The following NCOA1 variants were observed in gnomAD, a reference collection of about 807,000 sequenced individuals.
NCOA1 encodes nuclear receptor coactivator 1.
NCOA1 carries 35 observed loss-of-function variants against 150.9 expected under a neutral mutation model. The observed-to-expected ratio is 0.23, with a 90% CI of 0.18 to 0.31. The LOEUF is 0.31. NCOA1 is among the 10% of genes least tolerant of loss of function. The pLI is 1.00. For synonymous variants in NCOA1, 590 were observed against 630.0 expected, an observed-to-expected ratio of 0.94 and a Z score of 0.95; for missense variants, 1,491 against 1,749.3, an observed-to-expected ratio of 0.85 and a Z score of 2.63.
At chr2:24,541,948 C>G (rs1665416820) in intron 1 of NCOA1, among the ~76,000 whole-genome samples, 1 of 152,090 alleles carries the variant, frequency 6.6e-6, no homozygotes, top group South Asian at 2.1e-4. Flanking sequence ...CAAGAAGGCA[C>G]TCTGAGAACA....
At chr2:24,762,514 C>T (rs1664839458) in intron 21 of NCOA1, among the ~76,000 whole-genome samples, 173 bp from the exon 22 acceptor site, 2 of 152,206 alleles carry the variant, frequency 1.3e-5, no homozygotes, top group African/African-American at 4.8e-5. Flanking sequence ...ACACTCACTA[C>T]CCCACAAGGG....
chr2:24,696,876 TTA>T (rs149575496), intron 10 of NCOA1, among the ~76,000 whole-genome samples: 4 of 151,270 alleles, frequency 2.6e-5, no homozygotes, highest in East Asian at 1.9e-4. Context: ...AATTCTTAAT[TTA>T]TATATATATA....
At chr2:24,734,366 T>C (rs767750179) in intron 17 of NCOA1, among the ~76,000 whole-genome samples, 6 of 152,136 alleles carry the variant, frequency 3.9e-5, no homozygotes, top group Non-Finnish European at 8.8e-5. Context: ...TTCAGTGGAA[T>C]TCCAATAAAA....
chr2:24,662,805 A>G (rs1200704861), intron 5 of NCOA1, among the ~76,000 whole-genome samples: 2 of 151,666 alleles, frequency 1.3e-5, no homozygotes, highest in Non-Finnish European at 1.5e-5. Context: ...TTTTCTGTTA[A>G]GGGACAGGAT....
chr2:24,695,349 T>C (rs1242147746), intron 10 of NCOA1, among the ~76,000 whole-genome samples: 1 of 152,166 alleles, frequency 6.6e-6, no homozygotes, highest in Non-Finnish European at 1.5e-5. Flanking sequence ...AATGAGGGGA[T>C]GGTGATTTGA....
chr2:24,715,939 G>A (rs1248595029), intron 14 of NCOA1, among the ~76,000 whole-genome samples: 4 of 152,044 alleles, frequency 2.6e-5, no homozygotes, highest in South Asian at 2.1e-4. Context: ...TCAGGAGATC[G>A]AGACCATCCT....
chr2:24,605,392 T>G (rs1012688057), intron 3 of NCOA1, among the ~76,000 whole-genome samples: 1 of 152,184 alleles, frequency 6.6e-6, no homozygotes, highest in African/African-American at 2.4e-5. Flanking sequence ...ACCTCTTAAG[T>G]TTTTAAAAAT....
intron 3 of NCOA1, among the ~76,000 whole-genome samples, chr2:24,629,485 T>G (rs535678416): frequency 4.6e-4 from 70 of 150,930 alleles, no homozygotes; most frequent in African/African-American, 1.5e-3. Flanking sequence ...TTGGGTTTTT[T>G]TTTTTTTTTT....
chr2:24,502,242 T>C (rs1371933213), intron 1 of NCOA1, among the ~76,000 whole-genome samples: 1 of 152,224 alleles, frequency 6.6e-6, no homozygotes, highest in Non-Finnish European at 1.5e-5. Flanking sequence ...ACAGTTGTGC[T>C]TTTGACCTAT....
In NCOA1 at chr2:24,729,585, T is replaced by A. The variant is rs374750104; in HGVS notation, c.2971T>A (p.Tyr991Asn). 6.2e-7 allele frequency: 1 copy of A among 1,614,178 alleles called. No individual in the cohort carries two copies. ...PLIMEERPNL[Y>N]SQPYSSPSPT... The stretch of plus-strand genomic sequence containing the variant: ...GATCATGGAAGAAAGACCCAACCTT[T>A]ATTCCCAGCCTTACTCTTCTCCTTC... Residue 991 changes from tyrosine (Y) to asparagine (N), a missense_variant, in exon 17 of 23, where the codon TAT becomes AAT. Coordinates refer to ENST00000348332, the MANE Select transcript of NCOA1 (RefSeq NM_003743.5).
chr2:24,575,505 T>C (rs1666915853), intron 2 of NCOA1, among the ~76,000 whole-genome samples: 2 of 152,134 alleles, frequency 1.3e-5, no homozygotes, highest in African/African-American at 4.8e-5. Flanking sequence ...AAATTTTGAT[T>C]GTCAGACATT....
rs890288548 is a variant in NCOA1 at position 24,762,731 on chromosome 2, G to A, written c.4110G>A (p.Gln1370=). The A allele has an allele frequency of 6.2e-7, 1 of 1,613,980 alleles. No homozygotes were observed. The highest frequency in any genetic ancestry group is 1.3e-5 in the African/African-American group (1 of 74,922). ...GACACACAGGCCTCTACTGCAACCA[G>A]CTCTCATCCACTGACCTTCTCAAAA... ...ALRHTGLYCN[Q]LSSTDLLKTE... Residue 1370 remains glutamine (Q), a synonymous_variant, in exon 22 of 23, where the codon CAG becomes CAA. Coordinates refer to ENST00000348332, the MANE Select transcript of NCOA1 (RefSeq NM_003743.5).
chr2:24,664,499 G>A (rs1478628985), intron 5 of NCOA1, among the ~76,000 whole-genome samples: 2 of 151,872 alleles, frequency 1.3e-5, no homozygotes, highest in Admixed American at 1.3e-4. Flanking sequence ...TCATGAGGTC[G>A]AGAGATCGAG....
intron 1 of NCOA1, among the ~76,000 whole-genome samples, chr2:24,545,774 TTC>T (rs1665582011): frequency 1.3e-5 from 2 of 152,216 alleles, no homozygotes. Flanking sequence ...AGAATATTTA[TTC>T]TGTGTTTTTA....
chr2:24,639,912 G>A (rs1403653331), intron 3 of NCOA1, among the ~76,000 whole-genome samples: 7,343 of 95,590 alleles, frequency 0.077, 1,146 homozygotes, highest in East Asian at 0.18. Context: ...AAGTATGTGT[G>A]TGTGTATATA....
At chr2:24,566,988 G>A (rs989144191) in intron 2 of NCOA1, among the ~76,000 whole-genome samples, 4 of 152,192 alleles carry the variant, frequency 2.6e-5, no homozygotes, top group Admixed American at 6.5e-5. Context: ...CCAGGAGGGC[G>A]GGCCTTCTGC....
chr2:24,662,720 C>T (rs1671238944), intron 5 of NCOA1, among the ~76,000 whole-genome samples: 1 of 151,870 alleles, frequency 6.6e-6, no homozygotes, highest in Admixed American at 6.6e-5. Context: ...GAAAAGTTAA[C>T]TTTCCACTAA....
intron 2 of NCOA1, among the ~76,000 whole-genome samples, chr2:24,574,625 T>G (rs1326711279): frequency 1.3e-5 from 2 of 152,022 alleles, no homozygotes; most frequent in Non-Finnish European, 2.9e-5. Flanking sequence ...TTTGTGTAGA[T>G]CAAAATTTGG....
At chr2:24,595,404 C>A (rs1446956392) in intron 3 of NCOA1, among the ~76,000 whole-genome samples, 1 of 152,010 alleles carries the variant, frequency 6.6e-6, no homozygotes, top group African/African-American at 2.4e-5. Flanking sequence ...AAAGTTTTAT[C>A]CATGTGGGAA....
Sources: allele counts gnomAD v4.1 joint callset (sites outside exome capture counted in the v4.1 genomes callset), GRCh38; gene constraint gnomAD v4.1.1; transcripts MANE v1.5; gene names NCBI Gene and HGNC (gene_info 2026-07-23, HGNC 2026-07-21).